Variants in BMS1 observed in about 807,000 individuals in gnomAD.
The protein encoded by BMS1 is ribosome biogenesis protein BMS1 homolog.
Under a neutral mutation model 138.7 loss-of-function variants are expected in BMS1, and 53 were observed. That is an observed-to-expected ratio of 0.38 (90% confidence interval 0.31 to 0.48). BMS1 has a LOEUF of 0.48. BMS1 is among the 20% of genes least tolerant of loss of function. The pLI, the probability that BMS1 is intolerant of heterozygous loss-of-function variation, is 0.97. For synonymous variants in BMS1, 504 were observed against 539.9 expected (o/e 0.93, Z 0.92); for missense variants, 1,360 against 1,565.5 (o/e 0.87, Z 2.22).
intron 2 of BMS1, 112 bp from the exon 3 acceptor site, chr10:42,785,370 G>GTACT: frequency 2.4e-6 from 2 of 817,886 alleles, no homozygotes; most frequent in South Asian, 2.3e-5. Context: ...ATGTGCTAAA[G>GTACT]TACTCATAGC....
intron 15 of BMS1, among the ~76,000 whole-genome samples, chr10:42,819,580 A>G: frequency 6.6e-6 from 1 of 152,056 alleles, no homozygotes; most frequent in East Asian, 1.9e-4. Context: ...AGTGAAGGTG[A>G]GGGTGGTGGT....
At position 42,823,711 on chromosome 10, in the gene BMS1, G is replaced by T. The variant is rs1276650066; in HGVS notation, c.3383G>T (p.Gly1128Val). 6.3e-7 allele frequency: 1 copy of T among 1,596,084 alleles called. No individual in the cohort carries two copies. The highest frequency in any genetic ancestry group is 8.5e-7 in the Non-Finnish European group (1 of 1,179,626). Residue 1128 changes from glycine (G) to valine (V), a missense_variant, in exon 21 of 23, where the codon GGA (glycine) becomes GTA (valine). By Grantham distance (109) the Gly-to-Val change is moderately radical. Around this residue, in one of 3 missense-constraint regions of BMS1, gnomAD observed 425 missense variants for 568.3 expected, o/e 0.75. Coordinates refer to ENST00000374518, the MANE Select transcript of BMS1 (RefSeq NM_014753.4). ...GTGGGTGAGAAAGACACCTGGTCAG[G>T]AATGCGGACCACGGGCCAACTCAGG... Reference protein sequence around the residue: ...KPVGEKDTWSGMRTTGQLRLA... With the variant: ...KPVGEKDTWSVMRTTGQLRLA...
chr10:42,786,065 G>A (rs1841318880), intron 3 of BMS1, among the ~76,000 whole-genome samples: 1 of 152,162 alleles, frequency 6.6e-6, no homozygotes, highest in Non-Finnish European at 1.5e-5. Context: ...TTTTTTGTAT[G>A]AGAAATGATA....
intron 18 of BMS1, among the ~76,000 whole-genome samples, chr10:42,821,743 G>A (rs1842509251): frequency 1.3e-5 from 2 of 151,698 alleles, no homozygotes; most frequent in African/African-American, 4.8e-5. Context: ...AGTAGAGATG[G>A]GATTTTGCCA....
rs758306974 is a variant in BMS1, at chr10:42,784,511, G to A, written c.117G>A (p.Lys39=). ...LQLGDEEDAR[K]RNPKAFAVQS... is the part of the protein sequence containing the mutation. Reference sequence around the variant, plus strand: ...TAGGAGACGAAGAAGATGCCCGGAAGAGAAATCCCAAAGCTTTTGCAGTTC... The same window carrying A: ...TAGGAGACGAAGAAGATGCCCGGAAAAGAAATCCCAAAGCTTTTGCAGTTC... The change falls in exon 2 of 23, where the codon AAG becomes AAA. Residue 39 remains lysine, a synonymous_variant. Coordinates refer to ENST00000374518, the MANE Select transcript of BMS1 (RefSeq NM_014753.4). The A allele has an allele frequency of 6.2e-7, 1 of 1,613,998 alleles. No individual in the cohort carries two copies. The highest frequency in any genetic ancestry group is 8.5e-7 in the Non-Finnish European group (1 of 1,179,856).
At chr10:42,822,943 T>C (rs944243233) in intron 19 of BMS1, among the ~76,000 whole-genome samples, 175 bp from the exon 20 acceptor site, 5 of 152,216 alleles carry the variant, frequency 3.3e-5, no homozygotes, top group African/African-American at 9.6e-5. Flanking sequence ...ATGAAAGACT[T>C]GTATTCTTTT....
intron 12 of BMS1, 125 bp from the exon 13 acceptor site, chr10:42,802,012 T>G (rs1841888259): frequency 3.1e-6 from 2 of 641,520 alleles, no homozygotes; most frequent in Non-Finnish European, 5.4e-6. Flanking sequence ...TGGGCTCATT[T>G]GGAATGAGAA....
At chr10:42,810,135 A>G (rs1217529396) in intron 13 of BMS1, among the ~76,000 whole-genome samples, 4 of 152,104 alleles carry the variant, frequency 2.6e-5, no homozygotes, top group African/African-American at 7.2e-5. Flanking sequence ...GCAGACTTGC[A>G]TACCTGGAAT....
At chr10:42,827,734 G>C (rs916070947) in intron 21 of BMS1, among the ~76,000 whole-genome samples, 2 of 152,048 alleles carry the variant, frequency 1.3e-5, no homozygotes, top group Non-Finnish European at 2.9e-5. Flanking sequence ...CTAGATTTCT[G>C]CTACTCCTTG....
At chr10:42,799,291 G>A (rs900913083) in intron 12 of BMS1, among the ~76,000 whole-genome samples, 21 of 152,134 alleles carry the variant, frequency 1.4e-4, no homozygotes, top group African/African-American at 4.1e-4. Flanking sequence ...TGCATTTTTT[G>A]TAGAGATAAT....
At chr10:42,825,019 T>C (rs1334627047) in intron 21 of BMS1, among the ~76,000 whole-genome samples, 1 of 151,984 alleles carries the variant, frequency 6.6e-6, no homozygotes, top group Non-Finnish European at 1.5e-5. Context: ...TTTATTTTCT[T>C]TTTTTTTGAG....
intron 21 of BMS1, among the ~76,000 whole-genome samples, chr10:42,824,726 C>G (rs1842591250): frequency 6.6e-6 from 1 of 152,146 alleles, no homozygotes; most frequent in Non-Finnish European, 1.5e-5. Flanking sequence ...TTTCCCAGCA[C>G]TATTATTGAA....
At chr10:42,801,760 A>G (rs1376649302) in intron 12 of BMS1, among the ~76,000 whole-genome samples, 1 of 152,218 alleles carries the variant, frequency 6.6e-6, no homozygotes, top group African/African-American at 2.4e-5. Flanking sequence ...CTCCCATGTT[A>G]TAGGAATTCA....
chr10:42,814,576 T>C (rs1316952795), intron 13 of BMS1, among the ~76,000 whole-genome samples: 2 of 152,252 alleles, frequency 1.3e-5, no homozygotes, highest in African/African-American at 2.4e-5. Context: ...AACATCTGCC[T>C]ATGTAATTTT....
In BMS1 at chr10:42,831,823, G is replaced by A. The variant is rs1245128110; in HGVS notation, c.*727G>A. Reference sequence around the variant, plus strand: ...TAGGCTTCCCGTATTATGCTCATGCGTTATACCTGCCTAGCTACATTGCCT... The same window carrying A: ...TAGGCTTCCCGTATTATGCTCATGCATTATACCTGCCTAGCTACATTGCCT... On this transcript the variant is annotated 3_prime_UTR_variant, in exon 23 of 23. Transcript: ENST00000374518. 3 of 152,158 alleles carry A rather than the reference G, an allele frequency of 2.0e-5. No homozygotes were observed. Among genetic ancestry groups the A allele is most frequent in the Non-Finnish European group, 4.4e-5 (3 of 68,044 alleles). 9.4% of individuals were successfully genotyped at this position (152,158 alleles called of 1,614,324 possible). A position where few individuals can be genotyped will look rare whatever the true frequency, so the allele number is the denominator to read the frequency against.
intron 2 of BMS1, among the ~76,000 whole-genome samples, chr10:42,785,152 A>G (rs1841287197): frequency 1.3e-5 from 2 of 152,098 alleles, no homozygotes; most frequent in Admixed American, 6.5e-5. Context: ...CTGCCTCGCT[A>G]TTTACCTTTT....
chr10:42,814,577 A>G (rs561963297), intron 13 of BMS1, among the ~76,000 whole-genome samples: 6 of 152,308 alleles, frequency 3.9e-5, no homozygotes, highest in Admixed American at 1.3e-4. Context: ...ACATCTGCCT[A>G]TGTAATTTTT....
In BMS1 at chr10:42,784,480, T is replaced by G. The variant is rs769984487; in HGVS notation, c.86T>G (p.Leu29Arg). 5.6e-6 allele frequency: 9 copies of G among 1,613,962 alleles called. No homozygotes were observed. Among genetic ancestry groups the G allele is most frequent in the Middle Eastern group, 3.3e-4 (2 of 6,056 alleles). Residue 29 changes from leucine (L) to arginine (R), a missense_variant, in exon 2 of 23, where the codon CTC becomes CGC. Physicochemically the swap from Leu to Arg is moderately radical, Grantham distance 102. This residue lies in a region of BMS1 where 238 missense variants were observed against 311.1 expected (regional missense o/e 0.77). Transcript: ENST00000374518. ...AAAAAGAAGCGGCTTCTGCAGGATC[T>G]CCAGCTAGGAGACGAAGAAGATGCC... ...AKKKKRLLQD[L>R]QLGDEEDARK...
chr10:42,795,805 G>A (rs1284228173), intron 9 of BMS1, among the ~76,000 whole-genome samples: 1 of 152,078 alleles, frequency 6.6e-6, no homozygotes, highest in Non-Finnish European at 1.5e-5. Flanking sequence ...ACTTAAAATG[G>A]ATGTTCTTCC....
Sources: gnomAD v4.1 joint callset for allele counts (sites outside exome capture counted in the v4.1 genomes callset) on GRCh38, gnomAD v4.1.1 for gene constraint, gnomAD v4.1.1 regional missense constraint, MANE v1.5 for transcripts, NCBI Gene and HGNC (gene_info 2026-07-23, HGNC 2026-07-21) for gene names.